PDE10A: variants seen among roughly 807,000 people sequenced by gnomAD.
The protein encoded by PDE10A is cAMP and cAMP-inhibited cGMP 3',5'-cyclic phosphodiesterase 10A.
In PDE10A, 39 loss-of-function variants were observed where a neutral mutation model predicts 97.7. The observed-to-expected ratio is 0.40, with a 90% CI of 0.31 to 0.52. The LOEUF is 0.52. Among genes scored for constraint, PDE10A ranks in the 20% least tolerant of loss-of-function variants. The probability of loss-of-function intolerance (pLI) is 0.56; values close to 1 mark genes in which losing one functional copy is unlikely to be tolerated. For missense variants in PDE10A, 731 were observed against 1,047.8 expected (o/e 0.70, Z 4.17); for synonymous variants, 371 against 376.8 (o/e 0.98, Z 0.18).
chr6:165,471,182 T>C (rs891120147), intron 3 of PDE10A, among the ~76,000 whole-genome samples: 3 of 152,148 alleles, frequency 2.0e-5, no homozygotes, highest in Admixed American at 1.3e-4. Flanking sequence ...GATTGCTCTA[T>C]TTTATTTTAA....
At position 165,661,320 on chromosome 6, in the gene PDE10A, G is replaced by A. The variant is rs1790244186; in HGVS notation, c.865+627C>T. The A allele has an allele frequency of 6.6e-6, 1 of 152,304 alleles. No homozygotes were observed. Among genetic ancestry groups the A allele is most frequent in the African/African-American group, 2.4e-5 (1 of 41,450 alleles). 9.4% of individuals were successfully genotyped at this position (152,304 alleles called of 1,614,324 possible). A position where few individuals can be genotyped will look rare whatever the true frequency, so the allele number is the denominator to read the frequency against. Reference sequence around the variant, plus strand: ...GACCAACAGGACGCGGCCCGGGGTGGGGGTGCGTCCCCTGGGTGGAGGTGC... The same window carrying A: ...GACCAACAGGACGCGGCCCGGGGTGAGGGTGCGTCCCCTGGGTGGAGGTGC... On this transcript the variant is annotated intron_variant, in intron 1 of 21. Coordinates refer to ENST00000539869, the MANE Select transcript of PDE10A (RefSeq NM_001385079.1). This position sits in a 1 kb window ranked among gnomAD's most constrained non-coding sequence, Gnocchi z 4.8.
intron 1 of PDE10A, among the ~76,000 whole-genome samples, chr6:165,658,501 G>C (rs1014515896): frequency 6.6e-6 from 1 of 152,080 alleles, no homozygotes; most frequent in African/African-American, 2.4e-5. Context: ...AGAGAGGTGC[G>C]GGCGTATTTG....
At chr6:165,794,646 C>T (rs767466670) in intron 1 of PDE10A, among the ~76,000 whole-genome samples, 2 of 152,156 alleles carry the variant, frequency 1.3e-5, no homozygotes, top group Non-Finnish European at 1.5e-5. Flanking sequence ...CCCACACTCT[C>T]ACACACATTC....
intron 1 of PDE10A, among the ~76,000 whole-genome samples, chr6:165,595,066 A>C (rs1583610871): frequency 6.6e-6 from 1 of 152,298 alleles, no homozygotes; most frequent in South Asian, 2.1e-4. Context: ...CAATTCTGAA[A>C]CCCAGATTCT....
chr6:165,711,767 G>T lies in PDE10A; in HGVS notation c.-614-168199C>A, dbSNP rs6924519. 6.6e-6 allele frequency among the ~76,000 whole-genome samples: 1 copy of T among 152,136 alleles called. No homozygotes were observed. The highest frequency in any genetic ancestry group is 2.4e-5 in the African/African-American group (1 of 41,424). ...GTGCTAATTCACTCGTCAGACCAGCGAACCTCAAATGCATTTTTGTGGCAG... is the reference window on the plus strand; with the variant it reads ...GTGCTAATTCACTCGTCAGACCAGCTAACCTCAAATGCATTTTTGTGGCAG... On this transcript the variant is annotated intron_variant, in intron 1 of 19. Transcript: ENST00000366882. This position sits in a 1 kb window ranked among gnomAD's most constrained non-coding sequence, Gnocchi z 4.5.
intron 1 of PDE10A, among the ~76,000 whole-genome samples, chr6:165,596,268 A>G (rs1444782445): frequency 6.6e-6 from 1 of 152,158 alleles, no homozygotes; most frequent in Admixed American, 6.5e-5. Flanking sequence ...TCTCTCATCC[A>G]GTCTACTGTG....
At chr6:165,706,827 C>A (rs1167394006) in intron 1 of PDE10A, among the ~76,000 whole-genome samples, 1 of 152,068 alleles carries the variant, frequency 6.6e-6, no homozygotes, top group Non-Finnish European at 1.5e-5. Context: ...CAAAGAAAAG[C>A]GGATTTTTCA....
At chr6:165,358,798 T>C (rs1160280352) in intron 18 of PDE10A, among the ~76,000 whole-genome samples, 8 of 151,968 alleles carry the variant, frequency 5.3e-5, no homozygotes, top group Non-Finnish European at 8.8e-5. Context: ...ACTTTTACTA[T>C]TCAATATTTT....
intron 18 of PDE10A, among the ~76,000 whole-genome samples, chr6:165,365,991 T>C (rs1022325603): frequency 2.0e-5 from 3 of 152,120 alleles, no homozygotes; most frequent in Non-Finnish European, 2.9e-5. Context: ...CATGGAAAAG[T>C]ACAGTTCAGG....
intron 1 of PDE10A, among the ~76,000 whole-genome samples, chr6:165,648,320 G>A (rs887968681): frequency 2.0e-5 from 3 of 151,826 alleles, no homozygotes; most frequent in African/African-American, 7.3e-5. Flanking sequence ...CCTTACATAT[G>A]CATTTCTTAA....
intron 2 of PDE10A, among the ~76,000 whole-genome samples, chr6:165,537,278 G>A (rs900787655): frequency 1.6e-4 from 25 of 151,914 alleles, no homozygotes; most frequent in African/African-American, 5.1e-4. Flanking sequence ...ACCAGAGGCC[G>A]GGAACACCAG....
intron 2 of PDE10A, among the ~76,000 whole-genome samples, chr6:165,482,838 T>C (rs1466857210): frequency 1.3e-5 from 2 of 152,216 alleles, no homozygotes; most frequent in Non-Finnish European, 2.9e-5. Context: ...TCATTAATAA[T>C]AGTGCTGCTT....
chr6:165,821,665 T>C (rs1403587167), intron 1 of PDE10A, among the ~76,000 whole-genome samples: 1 of 152,080 alleles, frequency 6.6e-6, no homozygotes, highest in African/African-American at 2.4e-5. Flanking sequence ...ATTACAGGCG[T>C]GCACCTAGAT....
chr6:165,816,591 G>GA (rs1562751155), intron 1 of PDE10A, among the ~76,000 whole-genome samples: 1 of 152,178 alleles, frequency 6.6e-6, no homozygotes, highest in East Asian at 1.9e-4. Context: ...TTAAATGATT[G>GA]AATACCTGGA....
At chr6:165,912,466 T>TG (rs1782490119) in intron 1 of PDE10A, among the ~76,000 whole-genome samples, 3 of 152,220 alleles carry the variant, frequency 2.0e-5, no homozygotes, top group Admixed American at 2.0e-4. Context: ...CCTTCTTGCT[T>TG]CAGCCCATTC....
chr6:165,704,331 C>T, intron 1 of PDE10A, among the ~76,000 whole-genome samples: 1 of 152,190 alleles, frequency 6.6e-6, no homozygotes. Context: ...GACACCCATG[C>T]AAATTACAAA....
At chr6:165,363,688 G>T (rs1783572668) in intron 18 of PDE10A, among the ~76,000 whole-genome samples, 1 of 152,034 alleles carries the variant, frequency 6.6e-6, no homozygotes, top group Admixed American at 6.6e-5. Context: ...AAGGTGTCAA[G>T]ATATAAGATC....
intron 1 of PDE10A, among the ~76,000 whole-genome samples, chr6:165,565,310 A>G (rs979230611): frequency 6.6e-6 from 1 of 152,210 alleles, no homozygotes; most frequent in Non-Finnish European, 1.5e-5. Flanking sequence ...CCAGGAATGA[A>G]CAAGTAGATT....
intron 18 of PDE10A, among the ~76,000 whole-genome samples, chr6:165,362,652 A>G (rs1271169859): frequency 6.6e-6 from 1 of 152,222 alleles, no homozygotes; most frequent in Non-Finnish European, 1.5e-5. Context: ...ATGAATTAAT[A>G]CAAATTCTTC....
Sources: allele counts gnomAD v4.1 joint callset (sites outside exome capture counted in the v4.1 genomes callset), GRCh38; gene constraint gnomAD v4.1.1; non-coding constraint Gnocchi (gnomAD v3.1); transcripts MANE v1.5; gene names NCBI Gene and HGNC (gene_info 2026-07-23, HGNC 2026-07-21).